Variants in AKT3 observed in about 807,000 individuals in gnomAD.
The protein encoded by AKT3 is RAC-gamma serine/threonine-protein kinase.
In AKT3, 15 loss-of-function variants were observed where a neutral mutation model predicts 65.3. The ratio of observed to expected loss-of-function variants is 0.23; its 90% CI spans 0.15 to 0.35. AKT3 has a LOEUF of 0.35. AKT3 is among the 10% of genes least tolerant of loss of function. The probability of loss-of-function intolerance (pLI) is 1.00; values close to 1 mark genes in which losing one functional copy is unlikely to be tolerated. For missense variants in AKT3, 243 were observed against 576.5 expected (o/e 0.42, Z 5.92); for synonymous variants, 206 against 183.8 (o/e 1.12, Z -0.98).
chr1:243,650,814 T>C (rs1406401312), intron 4 of AKT3, among the ~76,000 whole-genome samples: 3 of 152,168 alleles, frequency 2.0e-5, no homozygotes, highest in Admixed American at 2.0e-4. Context: ...AGCCTTGTAG[T>C]ATAGTTTGAA....
At chr1:243,595,145 G>A (rs894191632) in intron 8 of AKT3, among the ~76,000 whole-genome samples, 1 of 152,114 alleles carries the variant, frequency 6.6e-6, no homozygotes, top group African/African-American at 2.4e-5. Context: ...AACCTAAATG[G>A]CATAGCCTAC....
At chr1:243,693,080 G>A (rs1684804759) in intron 3 of AKT3, among the ~76,000 whole-genome samples, 2 of 150,746 alleles carry the variant, frequency 1.3e-5, no homozygotes, top group East Asian at 1.9e-4. Flanking sequence ...AAGATTGGAA[G>A]TTCTCAAACC....
At chr1:243,770,035 G>A (rs12091469) in intron 2 of AKT3, among the ~76,000 whole-genome samples, 3,945 of 152,180 alleles carry the variant, frequency 0.026, 164 homozygotes, top group African/African-American at 0.09. Flanking sequence ...GTGGAAATCG[G>A]GTTGTCCCAT....
Position 243,795,998 on chromosome 1 carries a change from A to T in AKT3, c.46+47127T>A, listed in dbSNP as rs201663932. The stretch of plus-strand genomic sequence containing the variant: ...TCCCCTGTTTTCAGCTCCATTTCTG[A>T]CCCCTATCTTCCTTAGTATCTGGTG... On this transcript the variant is annotated intron_variant, in intron 2 of 13. Transcript: ENST00000673466. Among the ~76,000 whole-genome samples, 8 of 152,012 alleles carry T rather than the reference A, an allele frequency of 5.3e-5. No individual in the cohort carries two copies. The East Asian group carries it at 1.6e-3, about 30-fold the overall frequency.
chr1:243,695,001 T>C (rs1330060629), intron 3 of AKT3, among the ~76,000 whole-genome samples: 2 of 152,046 alleles, frequency 1.3e-5, no homozygotes, highest in African/African-American at 2.4e-5. Flanking sequence ...AAGAGCCTGG[T>C]AATAACATAA....
chr1:243,725,959 A>T (rs1687182917), intron 2 of AKT3, among the ~76,000 whole-genome samples: 2 of 152,210 alleles, frequency 1.3e-5, no homozygotes, highest in African/African-American at 2.4e-5. Flanking sequence ...TTCGTAGAAG[A>T]CTAGGAAAGC....
rs1695695161 is a variant in AKT3 at position 243,849,980 on chromosome 1, G to A, written c.-113+60C>T. 1.3e-5 allele frequency: 13 copies of A among 969,248 alleles called. No individual in the cohort carries two copies. In the South Asian group the frequency reaches 3.2e-4, roughly 24 times the overall value. 60.0% of individuals were successfully genotyped at this position (969,248 alleles called of 1,614,324 possible). On this transcript the variant is annotated intron_variant, in intron 1 of 13. Transcript: ENST00000673466. ...CAGGGAGGGCGGACCGGGGCCCGGG[G>A]CCCGGAGGGAGTGGAGGCCAGGCGG...
At chr1:243,789,312 G>A (rs1304902133) in intron 2 of AKT3, among the ~76,000 whole-genome samples, 1 of 152,144 alleles carries the variant, frequency 6.6e-6, no homozygotes, top group African/African-American at 2.4e-5. Flanking sequence ...CTTTAGCCAG[G>A]GAGTTCAAGG....
At chr1:243,521,619 T>G (rs1362817086) in intron 12 of AKT3, among the ~76,000 whole-genome samples, 1 of 152,200 alleles carries the variant, frequency 6.6e-6, no homozygotes, top group Non-Finnish European at 1.5e-5. Context: ...CAGTAATAAT[T>G]GAAGTTCATG....
In AKT3 at chr1:243,593,156, A is replaced by T. The variant is rs75651676; in HGVS notation, c.697-20108T>A. Among the ~76,000 whole-genome samples, 937 of 152,358 alleles carry T rather than the reference A, an allele frequency of 6.1e-3. 5 individuals are homozygous for T. The highest frequency in any genetic ancestry group is 0.034 in the East Asian group (178 of 5,190). ...AAACACTCCCAGAAAATACGAGAAC[A>T]GTTGTTAACACGTTGCATGAGGCCA... On this transcript the variant is annotated intron_variant, in intron 8 of 13. Coordinates refer to ENST00000673466, the MANE Select transcript of AKT3 (RefSeq NM_005465.7).
chr1:243,777,278 T>G (rs1018393048), intron 2 of AKT3, among the ~76,000 whole-genome samples: 1 of 152,100 alleles, frequency 6.6e-6, no homozygotes, highest in South Asian at 2.1e-4. Context: ...AGGGTTTGCA[T>G]CCCTATGAGA....
At position 243,489,068 on chromosome 1, in the gene AKT3, C is replaced by T. The variant is rs1371240373; in HGVS notation, c.*7-618G>A. On this transcript the variant is annotated intron_variant, in intron 13 of 13. Transcript: ENST00000336199. The stretch of plus-strand genomic sequence containing the variant: ...CCACAGCCCAGCAGCTGGTGCAGCT[C>T]CTCAGCAAGCAGAACCAGCTTCTCC... 6.2e-7 allele frequency: 1 copy of T among 1,613,406 alleles called. No individual in the cohort carries two copies. The highest frequency in any genetic ancestry group is 8.5e-7 in the Non-Finnish European group (1 of 1,179,996).
chr1:243,564,957 C>G (rs1674049346), intron 9 of AKT3, among the ~76,000 whole-genome samples: 1 of 152,140 alleles, frequency 6.6e-6, no homozygotes, highest in Admixed American at 6.5e-5. Flanking sequence ...AGAACATAAA[C>G]ATATCAGTCA....
At chr1:243,498,159 G>A (rs1467731501), downstream of AKT3, among the ~76,000 whole-genome samples, 1 of 152,204 alleles carries the variant, frequency 6.6e-6, no homozygotes, top group African/African-American at 2.4e-5. Flanking sequence ...CATTTAGCAG[G>A]ACTGTGCTGG....
At chr1:243,568,517 TG>T (rs1674337260) in intron 9 of AKT3, among the ~76,000 whole-genome samples, 2 of 152,136 alleles carry the variant, frequency 1.3e-5, no homozygotes, top group East Asian at 3.8e-4. Context: ...CCAGTTGAAG[TG>T]GACAGGCATT....
chr1:243,508,770 A>C (rs1238306974), intron 13 of AKT3, among the ~76,000 whole-genome samples: 1 of 149,156 alleles, frequency 6.7e-6, no homozygotes, highest in Non-Finnish European at 1.5e-5. Context: ...GGTTCAAGCG[A>C]TCCTCCTGCC....
intron 6 of AKT3, among the ~76,000 whole-genome samples, chr1:243,617,328 A>C (rs1194196778): frequency 2.0e-5 from 3 of 152,134 alleles, no homozygotes; most frequent in Non-Finnish European, 2.9e-5. Flanking sequence ...ACTACAGTTA[A>C]TGAGCATCAC....
chr1:243,725,149 A>G (rs933627251), intron 2 of AKT3, among the ~76,000 whole-genome samples: 6 of 151,990 alleles, frequency 3.9e-5, no homozygotes, highest in African/African-American at 1.4e-4. Context: ...GTGAGCTATG[A>G]TAAGGCCACT....
intron 10 of AKT3, among the ~76,000 whole-genome samples, chr1:243,558,282 T>C (rs950104464): frequency 1.3e-5 from 2 of 152,064 alleles, no homozygotes; most frequent in African/African-American, 4.8e-5. Context: ...TGGTTTTTAA[T>C]TTATATAGAA....
Sources: allele counts gnomAD v4.1 joint callset (sites outside exome capture counted in the v4.1 genomes callset), GRCh38; gene constraint gnomAD v4.1.1; transcripts MANE v1.5; gene names NCBI Gene and HGNC (gene_info 2026-07-23, HGNC 2026-07-21).